Variants in ZNF487 observed in about 807,000 individuals in gnomAD.
ZNF487 encodes KRAB domain only 1.
A neutral mutation model predicts 3.0 loss-of-function variants in ZNF487; 4 were observed. The ratio of observed to expected loss-of-function variants is 1.35; its 90% confidence interval spans 0.66 to 3.08. The LOEUF (loss-of-function observed/expected upper bound fraction) is 3.08. ZNF487 is among the 30% of genes most tolerant of loss of function. ZNF487 has a pLI of 0.01. For missense variants in ZNF487, 146 were observed against 98.7 expected, an observed-to-expected ratio of 1.48 and a Z score of -2.03; for synonymous variants, 55 against 34.6, an observed-to-expected ratio of 1.59 and a Z score of -2.06.
intron 1 of ZNF487, among the ~76,000 whole-genome samples, chr10:43,454,937 C>CAAAAAAA (rs58217923): frequency 9.4e-5 from 8 of 85,420 alleles, no homozygotes; most frequent in African/African-American, 3.3e-4. Context: ...GACCTTGTCT[C>CAAAAAAA]AAAAAAAAAA....
At chr10:43,493,827 C>T in the ZNF487 span, among the ~76,000 whole-genome samples, 1 of 149,420 alleles carries the variant, frequency 6.7e-6, no homozygotes, top group Non-Finnish European at 1.5e-5. Flanking sequence ...ATCTGACACT[C>T]AAAGCCCATT....
At chr10:43,458,595 T>G in intron 1 of ZNF487, among the ~76,000 whole-genome samples, 1 of 152,116 alleles carries the variant, frequency 6.6e-6, no homozygotes, top group African/African-American at 2.4e-5. Flanking sequence ...GAAAGCCCCT[T>G]AAAAACAAAA....
rs1457215857 is a variant in ZNF487, at chr10:43,463,303, C to T, written c.-93-12418C>T. Among the ~76,000 whole-genome samples the T allele has an allele frequency of 2.8e-4, 42 of 151,926 alleles. 1 individual carries two copies. The highest frequency in any genetic ancestry group is 2.6e-3 in the Admixed American group (39 of 15,220). On this transcript the variant is annotated intron_variant, in intron 1 of 3. Transcript: ENST00000437590. ...CTGTAATCCCAGCACTTTGGGAAGC[C>T]GAGGCAGGTGGATCACCTGAGGTCA...
At chr10:43,521,803 C>T in the ZNF487 span, among the ~76,000 whole-genome samples, 1 of 151,646 alleles carries the variant, frequency 6.6e-6, no homozygotes, top group African/African-American at 2.4e-5. Flanking sequence ...ACCAGACATG[C>T]TGAAATAAAT....
chr10:43,469,089 C>CA (rs1377954181), intron 1 of ZNF487, among the ~76,000 whole-genome samples: 1 of 151,874 alleles, frequency 6.6e-6, no homozygotes, highest in African/African-American at 2.4e-5. Flanking sequence ...ACAGCCATCC[C>CA]AGCCTTCAGC....
chr10:43,512,259 G>C, the ZNF487 span, among the ~76,000 whole-genome samples: 1 of 152,208 alleles, frequency 6.6e-6, no homozygotes, highest in Non-Finnish European at 1.5e-5. Context: ...CAGGCTGGGG[G>C]AGAGAAGGCA....
At chr10:43,450,920 A>G (rs1381174806) in intron 1 of ZNF487, among the ~76,000 whole-genome samples, 1 of 152,136 alleles carries the variant, frequency 6.6e-6, no homozygotes, top group Non-Finnish European at 1.5e-5. Flanking sequence ...TGTAAACTTC[A>G]GAGTTTGCAC....
At chr10:43,510,516 C>A in the ZNF487 span, among the ~76,000 whole-genome samples, 24 of 152,250 alleles carry the variant, frequency 1.6e-4, no homozygotes, top group African/African-American at 5.5e-4. Context: ...TAATCCGGGA[C>A]AACCATCCCA....
intron 1 of ZNF487, among the ~76,000 whole-genome samples, chr10:43,439,190 C>G (rs148412921): frequency 6.6e-6 from 1 of 151,778 alleles, no homozygotes. Flanking sequence ...TGCAGTGAGC[C>G]GAGATCACGC....
chr10:43,491,733 T>A, the ZNF487 span, among the ~76,000 whole-genome samples: 1 of 151,788 alleles, frequency 6.6e-6, no homozygotes, highest in Admixed American at 6.6e-5. Context: ...ACCATGAATT[T>A]GGGACCAATA....
chr10:43,501,760 A>C, the ZNF487 span, among the ~76,000 whole-genome samples: 2 of 145,536 alleles, frequency 1.4e-5, no homozygotes, highest in African/African-American at 2.5e-5. Flanking sequence ...ACAAAAACAA[A>C]AAAAACCCAC....
the ZNF487 span, among the ~76,000 whole-genome samples, chr10:43,506,292 T>C: frequency 6.6e-6 from 1 of 152,080 alleles, no homozygotes; most frequent in African/African-American, 2.4e-5. Context: ...GGTGGGAGGA[T>C]TGCTTGAGCC....
chr10:43,443,640 C>T (rs1839698737), intron 1 of ZNF487, among the ~76,000 whole-genome samples: 1 of 151,894 alleles, frequency 6.6e-6, no homozygotes, highest in East Asian at 1.9e-4. Context: ...TCCCAAAGTG[C>T]TGGGATTACA....
chr10:43,509,458 C>CATATATATAAATAT, the ZNF487 span, among the ~76,000 whole-genome samples: 3 of 135,278 alleles, frequency 2.2e-5, no homozygotes, highest in Non-Finnish European at 4.6e-5. Context: ...ACTAATGGAA[C>CATATATATAAATAT]ATATATATAT....
intron 1 of ZNF487, among the ~76,000 whole-genome samples, chr10:43,441,515 C>T (rs528625561): frequency 2.0e-5 from 3 of 152,166 alleles, no homozygotes; most frequent in Admixed American, 6.6e-5. Flanking sequence ...GATCCACCCA[C>T]CTCGGCCTCC....
chr10:43,455,919 G>C (rs1051397917), intron 1 of ZNF487, among the ~76,000 whole-genome samples: 2 of 152,264 alleles, frequency 1.3e-5, no homozygotes, highest in Non-Finnish European at 2.9e-5. Flanking sequence ...CTCTAGCACA[G>C]TCCGGGAGCT....
At chr10:43,470,574 T>TG (rs1299318493) in intron 1 of ZNF487, among the ~76,000 whole-genome samples, 1 of 152,024 alleles carries the variant, frequency 6.6e-6, no homozygotes, top group Non-Finnish European at 1.5e-5. Flanking sequence ...TTAGTAGAGA[T>TG]GGGGTTCTCC....
the ZNF487 span, among the ~76,000 whole-genome samples, chr10:43,520,975 A>T: frequency 2.6e-5 from 4 of 152,198 alleles, no homozygotes; most frequent in Non-Finnish European, 5.9e-5. Context: ...CCTTTGGGAC[A>T]CTAGGCTCAG....
intron 1 of ZNF487, among the ~76,000 whole-genome samples, chr10:43,467,568 G>T (rs181933736): frequency 6.6e-6 from 1 of 152,108 alleles, no homozygotes; most frequent in African/African-American, 2.4e-5. Flanking sequence ...TGTAATCCCA[G>T]CACTTTGGGA....
Sources: allele counts gnomAD v4.1 joint callset (sites outside exome capture counted in the v4.1 genomes callset), GRCh38; gene constraint gnomAD v4.1.1; transcripts MANE v1.5; gene names NCBI Gene and HGNC (gene_info 2026-07-23, HGNC 2026-07-21).